Variants in NCAM1 observed in about 807,000 individuals in gnomAD.
NCAM1 encodes the protein neural cell adhesion molecule 1.
NCAM1 carries 14 observed loss-of-function variants against 109.8 expected under a neutral mutation model. That is an observed-to-expected ratio of 0.13 (90% confidence interval 0.08 to 0.20). The LOEUF is 0.20. Ranked by LOEUF, NCAM1 falls within the 10% of genes least tolerant of loss-of-function variation. NCAM1 has a pLI of 1.00. For synonymous variants in NCAM1, 418 were observed against 442.9 expected (o/e 0.94, Z 0.70); for missense variants, 774 against 1,109.9 (o/e 0.70, Z 4.30).
chr11:113,144,826 A>G (rs1259046273), intron 1 of NCAM1, among the ~76,000 whole-genome samples: 2 of 152,250 alleles, frequency 1.3e-5, no homozygotes, highest in African/African-American at 2.4e-5. Flanking sequence ...GTGTATGTAA[A>G]GAGCCTGGGG....
chr11:113,171,497 G>C (rs1942987999), intron 1 of NCAM1, among the ~76,000 whole-genome samples: 1 of 152,162 alleles, frequency 6.6e-6, no homozygotes, highest in Non-Finnish European at 1.5e-5. Context: ...GCCAGGCTTG[G>C]TGGCACATGC....
chr11:113,256,074 G>C, intron 16 of NCAM1, 73 bp downstream of exon 16: 1 of 1,537,536 alleles, frequency 6.5e-7, no homozygotes, highest in South Asian at 1.2e-5. Flanking sequence ...GAAACAACAG[G>C]GGCAGCCCAC....
chr11:113,005,646 A>G (rs535595683), intron 1 of NCAM1, among the ~76,000 whole-genome samples: 84 of 152,200 alleles, frequency 5.5e-4, no homozygotes, highest in African/African-American at 1.9e-3. Flanking sequence ...TCTTCTGTTC[A>G]GGAGGAGTAG....
intron 9 of NCAM1, among the ~76,000 whole-genome samples, chr11:113,226,709 A>G (rs1319011894): frequency 6.6e-6 from 1 of 152,238 alleles, no homozygotes; most frequent in Non-Finnish European, 1.5e-5. Context: ...ATGTAAAAGA[A>G]CAGAAATGAT....
chr11:113,064,288 A>G (rs1937835994), intron 1 of NCAM1, among the ~76,000 whole-genome samples: 1 of 152,184 alleles, frequency 6.6e-6, no homozygotes, highest in Non-Finnish European at 1.5e-5. Context: ...GTGTGTTAGG[A>G]AAACCAGTTT....
rs192345142 is a variant in NCAM1 at position 113,024,504 on chromosome 11, G to A, written c.52+62840G>A. 1.2e-3 allele frequency among the ~76,000 whole-genome samples: 180 copies of A among 152,272 alleles called. 1 individual carries two copies. Among genetic ancestry groups the A allele is most frequent in the African/African-American group, 4.1e-3 (169 of 41,538 alleles). On this transcript the variant is annotated intron_variant, in intron 1 of 19. Transcript: ENST00000316851. ...AGAAGTTTAGTGTAATTTAGAAAAG[G>A]AGGTTAGTACCAGCTAATGTGTGGC...
At chr11:113,097,954 C>T (rs1555090763) in intron 1 of NCAM1, among the ~76,000 whole-genome samples, 2 of 152,124 alleles carry the variant, frequency 1.3e-5, no homozygotes. Flanking sequence ...GAAGCTTATG[C>T]TACCAAGCGC....
intron 1 of NCAM1, among the ~76,000 whole-genome samples, chr11:113,063,241 G>T (rs1373502248): frequency 6.6e-6 from 1 of 152,196 alleles, no homozygotes; most frequent in Non-Finnish European, 1.5e-5. Context: ...CTGTTCCAGT[G>T]GTTTGCAGAG....
chr11:113,185,706 T>C lies in NCAM1; in HGVS notation c.53-16673T>C, dbSNP rs149853548. On this transcript the variant is annotated intron_variant, in intron 1 of 19. Coordinates refer to ENST00000316851, the MANE Select transcript of NCAM1 (RefSeq NM_181351.5). ...TAGAATGATTGTAAAAATAAGCAATTCCAGGAAGGGGCTTGAAGAGTTTAA... is the reference window on the plus strand; with the variant it reads ...TAGAATGATTGTAAAAATAAGCAATCCCAGGAAGGGGCTTGAAGAGTTTAA... Among the ~76,000 whole-genome samples, 325 of 152,226 alleles carry C rather than the reference T, an allele frequency of 2.1e-3. 1 individual carries two copies. Among genetic ancestry groups the C allele is most frequent in the African/African-American group, 6.7e-3 (279 of 41,546 alleles).
At chr11:113,250,386 G>A (rs115049032) in intron 15 of NCAM1, among the ~76,000 whole-genome samples, 36 of 152,256 alleles carry the variant, frequency 2.4e-4, no homozygotes, top group African/African-American at 7.7e-4. Context: ...GTCTAATAAC[G>A]CTAAATCCTG....
intron 14 of NCAM1, among the ~76,000 whole-genome samples, chr11:113,235,912 A>G (rs894583000): frequency 6.6e-6 from 1 of 152,206 alleles, no homozygotes; most frequent in Admixed American, 6.5e-5. Context: ...CTTTGCAGAC[A>G]GAGATACTAC....
intron 1 of NCAM1, among the ~76,000 whole-genome samples, chr11:113,198,800 G>T (rs1483784839): frequency 6.6e-6 from 1 of 152,176 alleles, no homozygotes; most frequent in African/African-American, 2.4e-5. Context: ...AGAAGTAGAT[G>T]ATTTTTAATC....
At chr11:113,271,964 C>G in intron 19 of NCAM1, 88 bp downstream of exon 19, 1 of 970,886 alleles carries the variant, frequency 1.0e-6, no homozygotes, top group Non-Finnish European at 1.5e-6. Context: ...GTGCCCCTAC[C>G]CACAGCTCCC....
chr11:113,016,063 A>C (rs928233106), intron 1 of NCAM1, among the ~76,000 whole-genome samples: 1 of 152,174 alleles, frequency 6.6e-6, no homozygotes, highest in African/African-American at 2.4e-5. Context: ...ATACGATAAC[A>C]GCTTTAATTG....
At chr11:113,157,061 C>T (rs1335306293) in intron 1 of NCAM1, among the ~76,000 whole-genome samples, 3 of 151,952 alleles carry the variant, frequency 2.0e-5, no homozygotes, top group Non-Finnish European at 4.4e-5. Context: ...TCTTGTCACT[C>T]AGTTTGGAAT....
At chr11:113,140,268 T>C (rs773704031) in intron 1 of NCAM1, among the ~76,000 whole-genome samples, 4 of 152,162 alleles carry the variant, frequency 2.6e-5, no homozygotes, top group Non-Finnish European at 5.9e-5. Context: ...AAGATTATCT[T>C]GGAGGTCTTC....
chr11:113,066,797 G>A (rs1287732220), intron 1 of NCAM1, among the ~76,000 whole-genome samples: 5 of 151,856 alleles, frequency 3.3e-5, no homozygotes, highest in Non-Finnish European at 7.4e-5. Flanking sequence ...TCAGGAGATC[G>A]AGACCATCCT....
At chr11:112,980,929 G>T (rs189934428) in intron 1 of NCAM1, among the ~76,000 whole-genome samples, 1 of 151,918 alleles carries the variant, frequency 6.6e-6, no homozygotes, top group Non-Finnish European at 1.5e-5. Context: ...AATGGAAAAT[G>T]CCTAGCACCT....
intron 1 of NCAM1, among the ~76,000 whole-genome samples, chr11:113,124,711 G>A (rs529480663): frequency 1.4e-4 from 21 of 152,252 alleles, no homozygotes; most frequent in Admixed American, 5.9e-4. Context: ...GGTATAATAC[G>A]TCAAGGAAAA....
Sources: allele counts gnomAD v4.1 joint callset (sites outside exome capture counted in the v4.1 genomes callset), GRCh38; gene constraint gnomAD v4.1.1; transcripts MANE v1.5; gene names NCBI Gene and HGNC (gene_info 2026-07-23, HGNC 2026-07-21).